The following EXOC4 variants were observed in gnomAD, a reference collection of about 807,000 sequenced individuals.
EXOC4 encodes the protein SEC8-like 1.
A neutral mutation model predicts 107.2 loss-of-function variants in EXOC4; 71 were observed. The ratio of observed to expected loss-of-function variants is 0.66; its 90% CI spans 0.55 to 0.81. The LOEUF (loss-of-function observed/expected upper bound fraction) is 0.81. EXOC4 is among the 30% of genes least tolerant of loss of function. EXOC4 has a pLI of 0.00. For missense variants in EXOC4, 1,108 were observed against 1,189.6 expected (o/e 0.93, Z 1.01); for synonymous variants, 456 against 441.2 (o/e 1.03, Z -0.42).
At chr7:133,929,910 T>G (rs975214701) in intron 13 of EXOC4, among the ~76,000 whole-genome samples, 6 of 152,120 alleles carry the variant, frequency 3.9e-5, no homozygotes, top group African/African-American at 1.4e-4. Flanking sequence ...ACCTCCTTGC[T>G]TTTGCCTGAG....
chr7:133,397,026 C>T (rs1036537770), intron 7 of EXOC4, among the ~76,000 whole-genome samples: 1 of 152,106 alleles, frequency 6.6e-6, no homozygotes, highest in Non-Finnish European at 1.5e-5. Context: ...TCATCTCAAG[C>T]CTTGATTTGA....
intron 10 of EXOC4, among the ~76,000 whole-genome samples, chr7:133,682,876 T>C (rs1794217542): frequency 6.6e-6 from 1 of 152,182 alleles, no homozygotes. Context: ...TACCGATACG[T>C]GCTTTTGAAG....
chr7:133,617,680 C>T (rs576864008), intron 9 of EXOC4, among the ~76,000 whole-genome samples: 41 of 152,236 alleles, frequency 2.7e-4, no homozygotes, highest in Non-Finnish European at 4.3e-4. Context: ...AAAATATCAT[C>T]TCTTTCCCAT....
the EXOC4 span, among the ~76,000 whole-genome samples, chr7:134,093,754 A>T: frequency 6.6e-6 from 1 of 152,220 alleles, no homozygotes; most frequent in African/African-American, 2.4e-5. Flanking sequence ...TAAAAATAGA[A>T]ATCAATACCA....
At chr7:134,035,195 G>A (rs779903750) in intron 17 of EXOC4, among the ~76,000 whole-genome samples, 2 of 151,654 alleles carry the variant, frequency 1.3e-5, no homozygotes, top group Non-Finnish European at 2.9e-5. Flanking sequence ...ACAGGCATGC[G>A]CCACCATGCC....
intron 17 of EXOC4, among the ~76,000 whole-genome samples, chr7:134,041,313 T>G (rs1795511600): frequency 6.6e-6 from 1 of 152,226 alleles, no homozygotes; most frequent in Non-Finnish European, 1.5e-5. Context: ...AATTACTTCA[T>G]ATTCTTAATA....
chr7:133,549,560 G>T (rs538971485), intron 9 of EXOC4, among the ~76,000 whole-genome samples: 2 of 152,022 alleles, frequency 1.3e-5, no homozygotes, highest in Non-Finnish European at 2.9e-5. Context: ...CACCAGGATA[G>T]ATATAATAAT....
intron 10 of EXOC4, among the ~76,000 whole-genome samples, chr7:133,653,967 A>G (rs1178085742): frequency 6.6e-6 from 1 of 152,130 alleles, no homozygotes; most frequent in Non-Finnish European, 1.5e-5. Context: ...CAATTAAGAA[A>G]CCTAGTCGGG....
At chr7:133,330,114 C>T (rs901705181) in intron 5 of EXOC4, among the ~76,000 whole-genome samples, 2 of 152,088 alleles carry the variant, frequency 1.3e-5, no homozygotes, top group East Asian at 1.9e-4. Flanking sequence ...TCAGAGATGC[C>T]CTGCCCAGAG....
At chr7:133,726,380 G>A (rs12113384) in intron 10 of EXOC4, among the ~76,000 whole-genome samples, 11,063 of 152,236 alleles carry the variant, frequency 0.073, 461 homozygotes, top group Middle Eastern at 0.13. Flanking sequence ...ATAGGCACAC[G>A]TATGTGTGCT....
At chr7:133,760,396 C>T (rs540524462) in intron 10 of EXOC4, among the ~76,000 whole-genome samples, 1 of 152,214 alleles carries the variant, frequency 6.6e-6, no homozygotes, top group African/African-American at 2.4e-5. Context: ...TTAATATTTT[C>T]CCCCAACAGA....
intron 1 of EXOC4, among the ~76,000 whole-genome samples, chr7:133,265,472 G>T (rs947888675): frequency 2.0e-5 from 3 of 152,048 alleles, no homozygotes; most frequent in Non-Finnish European, 4.4e-5. Flanking sequence ...GGGTGGTTCA[G>T]GTGCTTGATG....
chr7:133,741,109 T>C (rs1795554986), intron 10 of EXOC4, among the ~76,000 whole-genome samples: 1 of 152,206 alleles, frequency 6.6e-6, no homozygotes, highest in Non-Finnish European at 1.5e-5. Flanking sequence ...GTGTAGAAAG[T>C]TGGTAAGAAC....
At chr7:133,728,414 T>C (rs924082009) in intron 10 of EXOC4, among the ~76,000 whole-genome samples, 6 of 152,244 alleles carry the variant, frequency 3.9e-5, no homozygotes, top group African/African-American at 1.4e-4. Context: ...CAGTTTTTTA[T>C]TTCAGAACTG....
chr7:133,741,732 A>C (rs1160499425), intron 10 of EXOC4, among the ~76,000 whole-genome samples: 2 of 152,226 alleles, frequency 1.3e-5, no homozygotes, highest in African/African-American at 4.8e-5. Context: ...AATTTAAGGT[A>C]CCTGAACTAA....
chr7:133,369,167 A>G (rs1479573008), intron 6 of EXOC4, among the ~76,000 whole-genome samples: 1 of 152,164 alleles, frequency 6.6e-6, no homozygotes, highest in Non-Finnish European at 1.5e-5. Context: ...TTAACAACAT[A>G]TTTCAGTTTA....
intron 7 of EXOC4, among the ~76,000 whole-genome samples, chr7:133,377,458 A>G (rs1394639251): frequency 6.6e-6 from 1 of 152,236 alleles, no homozygotes; most frequent in Non-Finnish European, 1.5e-5. Flanking sequence ...AGGATAGATC[A>G]ATGTAAACCA....
At chr7:133,657,288 T>C (rs1351609080) in intron 10 of EXOC4, among the ~76,000 whole-genome samples, 1 of 152,160 alleles carries the variant, frequency 6.6e-6, no homozygotes, top group Admixed American at 6.6e-5. Context: ...GTTTTGTTAC[T>C]GAGCATAGAG....
chr7:133,819,537 A>G (rs936039056), intron 11 of EXOC4, among the ~76,000 whole-genome samples: 1 of 152,310 alleles, frequency 6.6e-6, no homozygotes, highest in Non-Finnish European at 1.5e-5. Flanking sequence ...GGATGGATAC[A>G]GTGAATAAGT....
Sources: allele counts gnomAD v4.1 joint callset (sites outside exome capture counted in the v4.1 genomes callset), GRCh38; gene constraint gnomAD v4.1.1; transcripts MANE v1.5; gene names NCBI Gene and HGNC (gene_info 2026-07-23, HGNC 2026-07-21).